Variants in FAM53B observed in about 807,000 individuals in gnomAD.
FAM53B encodes the protein protein FAM53B.
Under a neutral mutation model 32.7 loss-of-function variants are expected in FAM53B, and 12 were observed. That is an observed-to-expected ratio of 0.37 (90% confidence interval 0.24 to 0.59). FAM53B has a LOEUF of 0.59. FAM53B is among the 20% of genes least tolerant of loss of function. The pLI is 0.72. For synonymous variants in FAM53B, 234 were observed against 228.7 expected (o/e 1.02, Z -0.21); for missense variants, 477 against 577.7 (o/e 0.83, Z 1.79).
At chr10:124,646,045 G>A (rs1007605820) in intron 4 of FAM53B, among the ~76,000 whole-genome samples, 2 of 152,146 alleles carry the variant, frequency 1.3e-5, no homozygotes, top group Non-Finnish European at 1.5e-5. Context: ...CAGACACCAG[G>A]GAGGTCAAGG....
chr10:124,712,400 A>T (rs570733881), intron 1 of FAM53B, among the ~76,000 whole-genome samples: 14 of 152,256 alleles, frequency 9.2e-5, no homozygotes, highest in African/African-American at 3.4e-4. Flanking sequence ...AATGAGGATA[A>T]TACCTTTGCC....
intron 2 of FAM53B, among the ~76,000 whole-genome samples, chr10:124,704,871 G>T (rs1292778529): frequency 2.0e-5 from 3 of 152,202 alleles, no homozygotes; most frequent in Non-Finnish European, 4.4e-5. Flanking sequence ...AAGAATCCTT[G>T]CGAGAGAACA....
chr10:124,657,039 T>C (rs948038130), intron 4 of FAM53B, among the ~76,000 whole-genome samples: 5 of 144,046 alleles, frequency 3.5e-5, no homozygotes, highest in Non-Finnish European at 4.5e-5. Flanking sequence ...AAAGTATAAA[T>C]ATATATATAT....
At chr10:124,722,958 G>A (rs1479975655) in intron 1 of FAM53B, among the ~76,000 whole-genome samples, 2 of 152,198 alleles carry the variant, frequency 1.3e-5, no homozygotes, top group Non-Finnish European at 2.9e-5. Context: ...TGGTCTCTCA[G>A]GCTAGAACTT....
At chr10:124,693,328 G>A (rs1258698850) in intron 3 of FAM53B, among the ~76,000 whole-genome samples, 1 of 152,082 alleles carries the variant, frequency 6.6e-6, no homozygotes, top group Non-Finnish European at 1.5e-5. Flanking sequence ...AAATTAGCTG[G>A]GCGTGGTGGC....
intron 2 of FAM53B, among the ~76,000 whole-genome samples, chr10:124,699,209 G>C (rs1327060317): frequency 1.3e-5 from 2 of 152,240 alleles, no homozygotes; most frequent in Non-Finnish European, 2.9e-5. Context: ...TCTTGAGAAA[G>C]GAGGGCTGTC....
At chr10:124,656,288 G>A (rs1392591693) in intron 4 of FAM53B, among the ~76,000 whole-genome samples, 2 of 152,188 alleles carry the variant, frequency 1.3e-5, no homozygotes, top group African/African-American at 2.4e-5. Flanking sequence ...AGGCACCCCA[G>A]GCCCCACGAT....
At chr10:124,650,852 T>G (rs1032764193) in intron 4 of FAM53B, among the ~76,000 whole-genome samples, 3 of 150,416 alleles carry the variant, frequency 2.0e-5, no homozygotes, top group Non-Finnish European at 4.4e-5. Context: ...AAAGAAAGGG[T>G]TCATCCTAAA....
intron 4 of FAM53B, among the ~76,000 whole-genome samples, chr10:124,634,163 A>G (rs1323634601): frequency 6.6e-6 from 1 of 152,270 alleles, no homozygotes; most frequent in Non-Finnish European, 1.5e-5. Flanking sequence ...AATGTCTATC[A>G]ACTGGTGAAT....
chr10:124,736,811 A>G (rs1479354807), intron 1 of FAM53B, among the ~76,000 whole-genome samples: 8 of 152,248 alleles, frequency 5.3e-5, no homozygotes, highest in African/African-American at 1.9e-4. Flanking sequence ...CCAGCTATCC[A>G]GGAGCTCGAG....
rs1376261623 is a variant in FAM53B, at chr10:124,619,374, G to GCCACAGC, written c.*3861_*3867dup. 6.6e-6 allele frequency: 1 copy of GCCACAGC among 152,576 alleles called. No individual in the cohort carries two copies. The highest frequency in any genetic ancestry group is 6.5e-5 in the Admixed American group (1 of 15,276). 9.5% of individuals were successfully genotyped at this position (152,576 alleles called of 1,614,324 possible). A position where few individuals can be genotyped will look rare whatever the true frequency, so the allele number is the denominator to read the frequency against. On this transcript the variant is annotated 3_prime_UTR_variant, in exon 5 of 5. Coordinates refer to ENST00000337318, the MANE Select transcript of FAM53B (RefSeq NM_014661.4). ...AGAGACTAGAGCGGCTGGAGTGCAA[G>GCCACAGC]CCACAGCCTGTGCGGGGAGGCCAGG...
Position 124,682,009 on chromosome 10 carries a change from G to A in FAM53B, c.504C>T (p.Phe168=), listed in dbSNP as rs1216582052. 6.2e-7 allele frequency: 1 copy of A among 1,613,986 alleles called. No homozygotes were observed. The highest frequency in any genetic ancestry group is 8.5e-7 in the Non-Finnish European group (1 of 1,179,944). Residue 168 remains phenylalanine, a synonymous_variant, in exon 4 of 5, where the codon TTC becomes TTT. Coordinates refer to ENST00000337318, the MANE Select transcript of FAM53B (RefSeq NM_014661.4). The surrounding 1 kb of genome is among the most constrained non-coding windows in gnomAD (Gnocchi z 5.2). The part of the protein sequence containing the change: ...GFSTMQRSSS[F]SLPSRANVLS... Reference sequence around the variant, plus strand: ...GCACGTTGGCCCGGGAAGGGAGGCTGAAGCTGGAACTCCTCTGCATGGTGC... The same window carrying A: ...GCACGTTGGCCCGGGAAGGGAGGCTAAAGCTGGAACTCCTCTGCATGGTGC...
intron 3 of FAM53B, among the ~76,000 whole-genome samples, chr10:124,688,143 A>G (rs1313603408): frequency 2.0e-5 from 3 of 152,176 alleles, no homozygotes; most frequent in African/African-American, 7.2e-5. Flanking sequence ...ACTCACTCCT[A>G]TGAACAAGAT....
intron 4 of FAM53B, among the ~76,000 whole-genome samples, chr10:124,652,791 C>T (rs1216364802): frequency 6.6e-6 from 1 of 152,114 alleles, no homozygotes; most frequent in Non-Finnish European, 1.5e-5. Flanking sequence ...AGCAAGAGTA[C>T]CCAGGGAACG....
At chr10:124,652,779 G>A (rs1358571690) in intron 4 of FAM53B, among the ~76,000 whole-genome samples, 1 of 152,176 alleles carries the variant, frequency 6.6e-6, no homozygotes, top group Non-Finnish European at 1.5e-5. Context: ...AATATGGAAG[G>A]TAGCAAGAGT....
intron 4 of FAM53B, among the ~76,000 whole-genome samples, chr10:124,631,976 G>A (rs1361732672): frequency 1.3e-5 from 2 of 152,186 alleles, no homozygotes; most frequent in African/African-American, 4.8e-5. Context: ...GGGGGCAGAG[G>A]GTAGGTAGGA....
At chr10:124,735,363 T>C (rs141616645) in intron 1 of FAM53B, among the ~76,000 whole-genome samples, 173 of 152,310 alleles carry the variant, frequency 1.1e-3, no homozygotes, top group Non-Finnish European at 2.2e-3. Flanking sequence ...TAAATCACTT[T>C]TGGTAAAAAA....
intron 4 of FAM53B, among the ~76,000 whole-genome samples, chr10:124,626,396 C>G (rs576751926): frequency 7.5e-5 from 11 of 146,692 alleles, no homozygotes; most frequent in Non-Finnish European, 4.6e-5. Flanking sequence ...GTGCCCCCCC[C>G]CCCCCCACCA....
chr10:124,651,223 C>T lies in FAM53B; in HGVS notation c.907-27619G>A, dbSNP rs995394656. Among the ~76,000 whole-genome samples the T allele has an allele frequency of 2.6e-5, 4 of 152,258 alleles. No individual in the cohort carries two copies. The highest frequency in any genetic ancestry group is 2.1e-4 in the South Asian group (1 of 4,836). ...AGGTGGCCACCACCTTGCCCTCAGA[C>T]GCTCTGTTGTGGCCTTGCTGCTAGC... On this transcript the variant is annotated intron_variant, in intron 4 of 4. Coordinates refer to ENST00000337318, the MANE Select transcript of FAM53B (RefSeq NM_014661.4). The surrounding 1 kb of genome is among the most constrained non-coding windows in gnomAD (Gnocchi z 5.2).
Sources: allele counts gnomAD v4.1 joint callset (sites outside exome capture counted in the v4.1 genomes callset), GRCh38; gene constraint gnomAD v4.1.1; non-coding constraint Gnocchi (gnomAD v3.1); transcripts MANE v1.5; gene names NCBI Gene and HGNC (gene_info 2026-07-23, HGNC 2026-07-21).